The following TDRP variants were observed in gnomAD, a reference collection of about 807,000 sequenced individuals.
The protein encoded by TDRP is testis development-related protein.
Under a neutral mutation model 10.5 loss-of-function variants are expected in TDRP, and 12 were observed. The ratio of observed to expected loss-of-function variants is 1.15; its 90% CI spans 0.73 to 1.86. TDRP has a LOEUF of 1.86. TDRP is among the 40% of genes most tolerant of loss of function. TDRP has a pLI of 0.00. For synonymous variants in TDRP, 139 were observed against 95.4 expected, an observed-to-expected ratio of 1.46 and a Z score of -2.67; for missense variants, 353 against 229.2, an observed-to-expected ratio of 1.54 and a Z score of -3.49.
At chr8:498,987 G>T (rs1440213940) in intron 1 of TDRP, among the ~76,000 whole-genome samples, 1 of 152,132 alleles carries the variant, frequency 6.6e-6, no homozygotes, top group Non-Finnish European at 1.5e-5. Context: ...ACATGGAACT[G>T]TGAGTCAATT....
intron 1 of TDRP, among the ~76,000 whole-genome samples, chr8:498,553 G>A (rs1015251600): frequency 3.3e-5 from 5 of 152,180 alleles, no homozygotes; most frequent in African/African-American, 1.2e-4. Flanking sequence ...CCTTGTCTTA[G>A]ATGAGACTAC....
Position 492,364 on chromosome 8 carries a change from C to G in TDRP, c.*35G>C. On this transcript the variant is annotated 3_prime_UTR_variant, in exon 3 of 3. Transcript: ENST00000324079. ...ACTACATGGTATACTCATAAAAGGC[C>G]ACCATGTCGGGGCACACTTGCCACG... 6.8e-7 allele frequency: 1 copy of G among 1,459,936 alleles called. No homozygotes were observed. Among genetic ancestry groups the G allele is most frequent in the Non-Finnish European group, 9.1e-7 (1 of 1,103,390 alleles). The allele number at this position is 1,459,936 out of a possible 1,614,324, so 90.4% of individuals were successfully genotyped here. A position where few individuals can be genotyped will look rare whatever the true frequency, so the allele number is the denominator to read the frequency against.
At chr8:542,898 G>A (rs927134207) in intron 1 of TDRP, among the ~76,000 whole-genome samples, 1 of 147,432 alleles carries the variant, frequency 6.8e-6, no homozygotes, top group Non-Finnish European at 1.5e-5. Flanking sequence ...ATTGTGTAAA[G>A]GGAAAATCAG....
intron 1 of TDRP, among the ~76,000 whole-genome samples, chr8:538,326 C>A (rs1053375913): frequency 2.6e-5 from 4 of 152,228 alleles, no homozygotes; most frequent in African/African-American, 9.6e-5. Context: ...GCAGGGACTT[C>A]TACTGAGGCT....
At chr8:511,882 C>G (rs1280104052) in intron 1 of TDRP, among the ~76,000 whole-genome samples, 1 of 151,882 alleles carries the variant, frequency 6.6e-6, no homozygotes, top group African/African-American at 2.4e-5. Context: ...AGTGAAGACA[C>G]AACATACCAA....
At chr8:542,070 C>G (rs909488069) in intron 1 of TDRP, among the ~76,000 whole-genome samples, 17 of 152,142 alleles carry the variant, frequency 1.1e-4, no homozygotes, top group Non-Finnish European at 1.5e-4. Flanking sequence ...CAGTGGAATA[C>G]TATTCAGTGC....
chr8:536,793 G>A (rs1802358308), intron 1 of TDRP, among the ~76,000 whole-genome samples: 1 of 152,152 alleles, frequency 6.6e-6, no homozygotes, highest in African/African-American at 2.4e-5. Context: ...AGCTCCCCAA[G>A]CATCAGTTAA....
rs1467501891 is a variant in TDRP, at chr8:509,661, G to C, written c.109-15064C>G. 2.0e-5 allele frequency among the ~76,000 whole-genome samples: 3 copies of C among 152,126 alleles called. No individual in the cohort carries two copies. In the South Asian group the frequency reaches 6.2e-4, roughly 32 times the overall value. On this transcript the variant is annotated intron_variant, in intron 1 of 2. Coordinates refer to ENST00000324079, the MANE Select transcript of TDRP (RefSeq NM_001384899.1). ...GGCCTCCAGGCCTGTGATGGGAGGGGCTGCCCCAAAGGTCTCTGACATGCC... is the reference window on the plus strand; with the variant it reads ...GGCCTCCAGGCCTGTGATGGGAGGGCCTGCCCCAAAGGTCTCTGACATGCC...
intron 1 of TDRP, 63 bp downstream of exon 1, chr8:544,583 GCCCA>G (rs1802584468): frequency 9.2e-7 from 1 of 1,082,760 alleles, no homozygotes; most frequent in South Asian, 4.5e-5. Flanking sequence ...CCTGCGCGCC[GCCCA>G]CCCTCGCCCT....
At chr8:519,869 C>T (rs1241260002) in intron 1 of TDRP, among the ~76,000 whole-genome samples, 2 of 152,190 alleles carry the variant, frequency 1.3e-5, no homozygotes, top group African/African-American at 4.8e-5. Flanking sequence ...GCTGGCGCCA[C>T]TGTGGCCAGA....
intron 1 of TDRP, 140 bp from the exon 2 acceptor site, chr8:494,737 A>T: frequency 1.4e-6 from 1 of 690,100 alleles, no homozygotes; most frequent in Non-Finnish European, 2.4e-6. Context: ...ACCTGTGCGC[A>T]CATAGTTTAC....
At chr8:504,667 T>C (rs1584858512) in intron 1 of TDRP, among the ~76,000 whole-genome samples, 1 of 152,216 alleles carries the variant, frequency 6.6e-6, no homozygotes, top group East Asian at 1.9e-4. Context: ...GAACTGGCAA[T>C]TCTTGTAAGA....
intron 1 of TDRP, among the ~76,000 whole-genome samples, chr8:531,834 T>G (rs926866202): frequency 6.6e-6 from 1 of 152,220 alleles, no homozygotes; most frequent in Non-Finnish European, 1.5e-5. Flanking sequence ...TGTGAGTAGT[T>G]ACAAGAAAAC....
chr8:534,826 C>G (rs989143128), intron 1 of TDRP, among the ~76,000 whole-genome samples: 2 of 152,156 alleles, frequency 1.3e-5, no homozygotes, highest in Non-Finnish European at 2.9e-5. Flanking sequence ...TGAATATGAA[C>G]TGTAACTACT....
intron 1 of TDRP, among the ~76,000 whole-genome samples, chr8:502,010 A>G (rs1313745243): frequency 1.3e-5 from 2 of 152,184 alleles, no homozygotes; most frequent in Non-Finnish European, 2.9e-5. Flanking sequence ...GTGGTGAGGG[A>G]GGACTCTGGG....
chr8:516,249 G>C (rs1004856558), intron 1 of TDRP, among the ~76,000 whole-genome samples: 22 of 152,122 alleles, frequency 1.4e-4, no homozygotes, highest in African/African-American at 5.1e-4. Flanking sequence ...CCCCAAGTGA[G>C]CTACTATCAC....
rs1003904102 is a variant in TDRP, at chr8:538,461, A to G, written c.108+6189T>C. Among the ~76,000 whole-genome samples the G allele has an allele frequency of 2.6e-5, 4 of 152,250 alleles. No homozygotes were observed. The East Asian group carries it at 7.7e-4, about 29-fold the overall frequency. On this transcript the variant is annotated intron_variant, in intron 1 of 2. Coordinates refer to ENST00000324079, the MANE Select transcript of TDRP (RefSeq NM_001384899.1). The stretch of plus-strand genomic sequence containing the variant: ...CAGATGGTGGCACCAACCCATATCA[A>G]GAATTTATGAACAGGGGCTAAGCAC...
In TDRP at chr8:490,357, T is replaced by C. The variant is rs999928089; in HGVS notation, c.*2042A>G. The C allele has an allele frequency of 2.6e-5, 4 of 152,332 alleles. No homozygotes were observed. Among genetic ancestry groups the C allele is most frequent in the East Asian group, 3.9e-4 (2 of 5,192 alleles). 9.4% of individuals were successfully genotyped at this position (152,332 alleles called of 1,614,324 possible). ...GGGTTTGTCCTCAAATTTTGAGAAA[T>C]AGCATAAAGAACTATTTTGCCAACT... On this transcript the variant is annotated 3_prime_UTR_variant, in exon 3 of 3. Transcript: ENST00000324079.
rs927160781 is a variant in TDRP at position 543,831 on chromosome 8, A to G, written c.108+819T>C. Among the ~76,000 whole-genome samples, 9 of 151,580 alleles carry G rather than the reference A, an allele frequency of 5.9e-5. No homozygotes were observed. The East Asian group carries it at 7.9e-4, about 13-fold the overall frequency. ...AACAGCATCAGGAGGAAGTTGCCAC[A>G]CGTTTAACAGAAAGAGATATTTTAT... On this transcript the variant is annotated intron_variant, in intron 1 of 2. Coordinates refer to ENST00000324079, the MANE Select transcript of TDRP (RefSeq NM_001384899.1).
Sources: gnomAD v4.1 joint callset for allele counts (sites outside exome capture counted in the v4.1 genomes callset) on GRCh38, gnomAD v4.1.1 for gene constraint, MANE v1.5 for transcripts, NCBI Gene and HGNC (gene_info 2026-07-23, HGNC 2026-07-21) for gene names.